The following CHL1 variants were observed in gnomAD, a reference collection of about 807,000 sequenced individuals.
CHL1 encodes the protein cell adhesion molecule L1 like.
A neutral mutation model predicts 141.9 loss-of-function variants in CHL1; 96 were observed. The observed-to-expected ratio is 0.68, with a 90% CI of 0.57 to 0.80. CHL1 has a LOEUF of 0.80. CHL1 is among the 30% of genes least tolerant of loss of function. The pLI is 0.00. For missense variants in CHL1, 1,820 were observed against 1,457.2 expected, an observed-to-expected ratio of 1.25 and a Z score of -4.05; for synonymous variants, 613 against 502.2, an observed-to-expected ratio of 1.22 and a Z score of -2.95.
chr3:330,600 T>G (rs978679328), intron 5 of CHL1, among the ~76,000 whole-genome samples: 1 of 152,134 alleles, frequency 6.6e-6, no homozygotes, highest in African/African-American at 2.4e-5. Context: ...ATAAGTAAAC[T>G]ATTTCTATTT....
Position 356,258 on chromosome 3 carries a change from G to A in CHL1, c.1165+1487G>A, listed in dbSNP as rs556205683. 7.2e-5 allele frequency among the ~76,000 whole-genome samples: 11 copies of A among 152,250 alleles called. No individual in the cohort carries two copies. The East Asian group carries it at 1.3e-3, about 19-fold the overall frequency. On this transcript the variant is annotated intron_variant, in intron 11 of 27. Coordinates refer to ENST00000256509, the MANE Select transcript of CHL1 (RefSeq NM_006614.4). ...TGTTCAGGTTACAAAAGTAAGGAAC[G>A]CAGATTCTCCGGAACACAAAATCAT...
Position 382,597 on chromosome 3 carries a change from G to C in CHL1, c.2102G>C (p.Arg701Thr). The change falls in exon 18 of 28, where the codon AGG (arginine) becomes ACG (threonine). Residue 701 changes from arginine (R) to threonine (T), a missense_variant. Physicochemically the swap from Arg to Thr is moderately conservative, Grantham distance 71. Transcript: ENST00000256509. The part of the protein sequence containing the change: ...PLAPFVRYQF[R>T]VIAVNEVGRS... The stretch of plus-strand genomic sequence containing the variant: ...GCTCCATTTGTGAGATACCAGTTCA[G>C]GGTCATAGCCGTGAACGAAGTAGGG... 6.2e-7 allele frequency: 1 copy of C among 1,613,948 alleles called. No homozygotes were observed.
intron 1 of CHL1, among the ~76,000 whole-genome samples, chr3:207,359 A>G (rs1193607868): frequency 3.9e-5 from 6 of 152,220 alleles, no homozygotes; most frequent in Admixed American, 3.9e-4. Flanking sequence ...TGTTTGACCC[A>G]TACCTGCTTC....
At position 406,644 on chromosome 3, in the gene CHL1, A is replaced by G. The variant is rs1709551520; in HGVS notation, c.*933A>G. The G allele has an allele frequency of 6.6e-6, 1 of 152,104 alleles. No individual in the cohort carries two copies. The highest frequency in any genetic ancestry group is 2.1e-4 in the South Asian group (1 of 4,832). 9.4% of individuals were successfully genotyped at this position (152,104 alleles called of 1,614,324 possible). A position where few individuals can be genotyped will look rare whatever the true frequency, so the allele number is the denominator to read the frequency against. ...AATATTTACACAATTTAAAATATAG[A>G]TGTGTTTTATTTTGAAGTGAGAAAA... On this transcript the variant is annotated 3_prime_UTR_variant, in exon 28 of 28. Transcript: ENST00000256509.
chr3:207,955 A>G (rs1699582505), intron 1 of CHL1, among the ~76,000 whole-genome samples: 1 of 152,226 alleles, frequency 6.6e-6, no homozygotes, highest in Non-Finnish European at 1.5e-5. Flanking sequence ...AAGTTCAAAT[A>G]AATTGGATTT....
chr3:319,894 T>A (rs1575057970), intron 3 of CHL1, 27 bp downstream of exon 3: 1 of 1,284,592 alleles, frequency 7.8e-7, no homozygotes, highest in Non-Finnish European at 1.1e-6. Context: ...CAGTGCCTAT[T>A]AATGGAATTT....
At chr3:285,062 C>G in intron 2 of CHL1, among the ~76,000 whole-genome samples, 1 of 152,180 alleles carries the variant, frequency 6.6e-6, no homozygotes, top group East Asian at 1.9e-4. Context: ...AAATACAAAG[C>G]TGTTTTAAGC....
intron 2 of CHL1, among the ~76,000 whole-genome samples, chr3:264,217 A>G (rs1036284128): frequency 6.6e-6 from 1 of 152,186 alleles, no homozygotes; most frequent in Non-Finnish European, 1.5e-5. Context: ...TTATTTCTCT[A>G]CGCACTTTTA....
rs758028019 is a variant in CHL1 at position 386,956 on chromosome 3, GCCACTCCACA to G, written c.2248-2295_2248-2286del. 8.0e-3 allele frequency among the ~76,000 whole-genome samples: 1,215 copies of G among 152,128 alleles called. 9 individuals carry two copies. Among genetic ancestry groups the G allele is most frequent in the Middle Eastern group, 0.031 (9 of 294 alleles). ...CATATATTTTGAGTAGCTCAATTTA[GCCACTCCACA>G]ATGTATACATATTTCAAAACATGTT... On this transcript the variant is annotated intron_variant, in intron 19 of 27. Coordinates refer to ENST00000256509, the MANE Select transcript of CHL1 (RefSeq NM_006614.4).
chr3:331,261 C>T (rs988312158), intron 5 of CHL1, among the ~76,000 whole-genome samples: 1 of 151,990 alleles, frequency 6.6e-6, no homozygotes, highest in Non-Finnish European at 1.5e-5. Flanking sequence ...CTCACTCTCT[C>T]CAGGTCAGGC....
chr3:331,268 A>C (rs1180176480), intron 5 of CHL1, among the ~76,000 whole-genome samples: 4 of 151,996 alleles, frequency 2.6e-5, no homozygotes, highest in Non-Finnish European at 5.9e-5. Flanking sequence ...TCTCCAGGTC[A>C]GGCTGGAGTG....
At chr3:384,655 G>A (rs1707457195) in intron 19 of CHL1, 1 of 152,070 alleles carries the variant, frequency 6.6e-6, no homozygotes, top group Non-Finnish European at 1.5e-5. Flanking sequence ...TGTATTTAAT[G>A]ACCAGTATAT....
At chr3:228,009 C>G (rs909698935) in intron 1 of CHL1, among the ~76,000 whole-genome samples, 3 of 152,180 alleles carry the variant, frequency 2.0e-5, no homozygotes, top group African/African-American at 4.8e-5. Flanking sequence ...GACTATCGAT[C>G]TATCCATCAC....
At position 243,373 on chromosome 3, in the gene CHL1, T is replaced by C. The variant is rs1424560678; in HGVS notation, c.-174-1240T>C. Among the ~76,000 whole-genome samples, 5 of 152,186 alleles carry C rather than the reference T, an allele frequency of 3.3e-5. No homozygotes were observed. In the East Asian group the frequency reaches 5.8e-4, roughly 18 times the overall value. On this transcript the variant is annotated intron_variant, in intron 1 of 27. Transcript: ENST00000256509. Reference sequence around the variant, plus strand: ...TAAAACAATGTGTACCATGGACCCATTGGTCAGAAGCCATATTAAATGCAG... The same window carrying C: ...TAAAACAATGTGTACCATGGACCCACTGGTCAGAAGCCATATTAAATGCAG...
chr3:364,323 A>G (rs1269156857), intron 14 of CHL1, among the ~76,000 whole-genome samples: 2 of 152,188 alleles, frequency 1.3e-5, no homozygotes, highest in Admixed American at 6.5e-5. Context: ...GATGTCTTTT[A>G]CATTTTCAAG....
At chr3:373,589 C>T (rs1705922015) in intron 15 of CHL1, 1 of 152,454 alleles carries the variant, frequency 6.6e-6, no homozygotes, top group Non-Finnish European at 1.5e-5. Flanking sequence ...TGCCCCTCTT[C>T]TAAGGAGCTC....
intron 2 of CHL1, among the ~76,000 whole-genome samples, chr3:302,654 G>C (rs1351040870): frequency 6.6e-6 from 1 of 152,128 alleles, no homozygotes; most frequent in Non-Finnish European, 1.5e-5. Flanking sequence ...GTCTTCGTCA[G>C]ATGGATAAAT....
At chr3:385,089 C>T (rs543656711) in intron 19 of CHL1, among the ~76,000 whole-genome samples, 1 of 152,234 alleles carries the variant, frequency 6.6e-6, no homozygotes, top group African/African-American at 2.4e-5. Flanking sequence ...GTTACTACTA[C>T]ATTGTCTTGA....
intron 2 of CHL1, among the ~76,000 whole-genome samples, chr3:305,056 A>G (rs551332282): frequency 1.4e-4 from 21 of 152,282 alleles, no homozygotes; most frequent in South Asian, 4.1e-4. Flanking sequence ...TTCAAATTGC[A>G]TGCCAAACCA....
Sources: gnomAD v4.1 joint callset for allele counts (sites outside exome capture counted in the v4.1 genomes callset) on GRCh38, gnomAD v4.1.1 for gene constraint, MANE v1.5 for transcripts, NCBI Gene and HGNC (gene_info 2026-07-23, HGNC 2026-07-21) for gene names.